The following TGFBR1 variants were observed in gnomAD, a reference collection of about 807,000 sequenced individuals.
TGFBR1 encodes the protein TGF-beta receptor type-1.
A neutral mutation model predicts 55.1 loss-of-function variants in TGFBR1; 20 were observed. The observed-to-expected ratio is 0.36, with a 90% CI of 0.26 to 0.53. The LOEUF (loss-of-function observed/expected upper bound fraction) is 0.53. Ranked by LOEUF, TGFBR1 falls within the 20% of genes least tolerant of loss-of-function variation. The pLI is 0.91. For synonymous variants in TGFBR1, 220 were observed against 214.8 expected (o/e 1.02, Z -0.21); for missense variants, 385 against 617.6 (o/e 0.62, Z 3.99).
At chr9:99,134,830 A>T (rs947472563) in intron 3 of TGFBR1, among the ~76,000 whole-genome samples, 1 of 112,508 alleles carries the variant, frequency 8.9e-6, no homozygotes, top group Non-Finnish European at 1.9e-5. Flanking sequence ...ATATATATAT[A>T]TATATATATA....
intron 1 of TGFBR1, among the ~76,000 whole-genome samples, chr9:99,127,288 T>C (rs963772293): frequency 6.6e-6 from 1 of 152,190 alleles, no homozygotes; most frequent in Non-Finnish European, 1.5e-5. Context: ...GGAAGTTCGC[T>C]TGAGCCTTGG....
At chr9:99,128,400 A>G (rs11568757) in intron 1 of TGFBR1, among the ~76,000 whole-genome samples, 244 of 151,602 alleles carry the variant, frequency 1.6e-3, no homozygotes, top group African/African-American at 5.5e-3. Flanking sequence ...GCATTAGCCT[A>G]CACTTAATGG....
At position 99,153,660 on chromosome 9, in the gene TGFBR1, C is replaced by T. The variant is rs554310366; in HGVS notation, c.*4355C>T. The T allele has an allele frequency of 1.0e-5, 2 of 198,022 alleles. No individual in the cohort carries two copies. Among genetic ancestry groups the T allele is most frequent in the East Asian group, 1.6e-4 (2 of 12,734 alleles). 12.3% of individuals were successfully genotyped at this position (198,022 alleles called of 1,614,324 possible). ...TTACATTTTTCCCAAGTGCCAGTGG[C>T]ATATTTTAAAATAAAGTGTATACGT... On this transcript the variant is annotated 3_prime_UTR_variant, in exon 9 of 9. Coordinates refer to ENST00000374994, the MANE Select transcript of TGFBR1 (RefSeq NM_004612.4).
At chr9:99,117,622 T>C (rs961399215) in intron 1 of TGFBR1, among the ~76,000 whole-genome samples, 2 of 152,176 alleles carry the variant, frequency 1.3e-5, no homozygotes, top group Admixed American at 1.3e-4. Flanking sequence ...TTTCCCCCAG[T>C]GTACAATCAC....
intron 1 of TGFBR1, among the ~76,000 whole-genome samples, chr9:99,108,432 CA>C (rs1219498387): frequency 1.2e-4 from 19 of 152,206 alleles, no homozygotes; most frequent in Admixed American, 4.6e-4. Flanking sequence ...TTTGGTTAAA[CA>C]TCCTTTCTGA....
chr9:99,126,781 C>G (rs1353022281), intron 1 of TGFBR1, among the ~76,000 whole-genome samples: 1 of 152,178 alleles, frequency 6.6e-6, no homozygotes, highest in African/African-American at 2.4e-5. Flanking sequence ...ATTACTGTCT[C>G]TTTTAGCAGT....
chr9:99,105,314 C>T lies in TGFBR1; in HGVS notation c.97+12C>T, dbSNP rs1826375985. Reference sequence around the variant, plus strand: ...CCCGGGGGCGACGGGTGAGCGGCGGCGCGGCGGGCGGGCGACTGCGGGGCG... The same window carrying T: ...CCCGGGGGCGACGGGTGAGCGGCGGTGCGGCGGGCGGGCGACTGCGGGGCG... On this transcript the variant is annotated intron_variant, in intron 1 of 8. Transcript: ENST00000374994. The T allele has an allele frequency of 8.2e-6, 8 of 981,552 alleles. No individual in the cohort carries two copies. Among genetic ancestry groups the T allele is most frequent in the Non-Finnish European group, 9.7e-6 (8 of 828,864 alleles). The allele number at this position is 981,552 out of a possible 1,614,324, so 60.8% of individuals were successfully genotyped here.
intron 1 of TGFBR1, among the ~76,000 whole-genome samples, chr9:99,105,598 G>A (rs1053225868): frequency 9.9e-5 from 15 of 151,708 alleles, no homozygotes; most frequent in Admixed American, 2.0e-4. Context: ...GTCGTCCGAG[G>A]TCCGGGGCTG....
At chr9:99,105,958 G>A (rs912869468) in intron 1 of TGFBR1, among the ~76,000 whole-genome samples, 2 of 152,252 alleles carry the variant, frequency 1.3e-5, no homozygotes, top group African/African-American at 2.4e-5. Flanking sequence ...CAGCCAGGGG[G>A]GCTTTGTGTG....
At chr9:99,127,260 C>A (rs1192866837) in intron 1 of TGFBR1, among the ~76,000 whole-genome samples, 1 of 152,164 alleles carries the variant, frequency 6.6e-6, no homozygotes, top group Admixed American at 6.5e-5. Flanking sequence ...TGACAGCATG[C>A]ACGAAGTTGT....
chr9:99,139,671 G>A (rs1431271699), intron 4 of TGFBR1, among the ~76,000 whole-genome samples: 1 of 152,160 alleles, frequency 6.6e-6, no homozygotes, highest in East Asian at 1.9e-4. Flanking sequence ...CACTACCATT[G>A]TCAGTTTTTT....
At position 99,153,334 on chromosome 9, in the gene TGFBR1, C is replaced by T. The variant is rs1351329063; in HGVS notation, c.*4029C>T. The T allele has an allele frequency of 9.2e-6, 2 of 217,166 alleles. No individual in the cohort carries two copies. 13.5% of individuals were successfully genotyped at this position (217,166 alleles called of 1,614,324 possible). A position where few individuals can be genotyped will look rare whatever the true frequency, so the allele number is the denominator to read the frequency against. On this transcript the variant is annotated 3_prime_UTR_variant, in exon 9 of 9. Transcript: ENST00000374994. Reference sequence around the variant, plus strand: ...TTTATATTTGTACCCCAAATAACATCGTCTGTACTTTCTGTTTTCTGTATT... The same window carrying T: ...TTTATATTTGTACCCCAAATAACATTGTCTGTACTTTCTGTTTTCTGTATT...
In TGFBR1 at chr9:99,150,908, G is replaced by A. The variant is rs201500025; in HGVS notation, c.*1603G>A. On this transcript the variant is annotated 3_prime_UTR_variant, in exon 9 of 9. Transcript: ENST00000374994. ...TCTCTGCAGGGCTTTTACAGTTTTC[G>A]AAGTCCTTTTATCACTGTGATCTTA... The A allele has an allele frequency of 4.5e-5, 10 of 222,686 alleles. No homozygotes were observed. The highest frequency in any genetic ancestry group is 3.7e-4 in the South Asian group (2 of 5,442). The allele number at this position is 222,686 out of a possible 1,614,324, so 13.8% of individuals were successfully genotyped here.
chr9:99,110,632 G>A (rs1826540106), intron 1 of TGFBR1, among the ~76,000 whole-genome samples: 1 of 152,140 alleles, frequency 6.6e-6, no homozygotes, highest in East Asian at 1.9e-4. Flanking sequence ...ATAAAAGAAA[G>A]ACACTGCTTT....
chr9:99,113,518 G>T (rs1488844270), intron 1 of TGFBR1, among the ~76,000 whole-genome samples: 2 of 152,134 alleles, frequency 1.3e-5, no homozygotes, highest in Non-Finnish European at 2.9e-5. Context: ...TTTGTTTATA[G>T]GAGTAGTATA....
At chr9:99,115,932 G>T (rs1292526743) in intron 1 of TGFBR1, among the ~76,000 whole-genome samples, 1 of 152,096 alleles carries the variant, frequency 6.6e-6, no homozygotes, top group African/African-American at 2.4e-5. Context: ...TTGTCAGTGA[G>T]GAAAGACAAT....
chr9:99,104,937 C>T (rs1231651868), upstream of TGFBR1, among the ~76,000 whole-genome samples: 2 of 151,640 alleles, frequency 1.3e-5, no homozygotes, highest in African/African-American at 4.8e-5. Context: ...TGGGGCGTGG[C>T]CAGAAACCGG....
At chr9:99,128,475 T>TAAA (rs66612011) in intron 1 of TGFBR1, among the ~76,000 whole-genome samples, 139 of 104,030 alleles carry the variant, frequency 1.3e-3, no homozygotes, top group African/African-American at 4.6e-3. Context: ...TTGGGCCTGG[T>TAAA]AAAAAAAAAA....
chr9:99,105,127 T>G lies in TGFBR1; in HGVS notation c.-79T>G, dbSNP rs1307562466. On this transcript the variant is annotated 5_prime_UTR_variant, in exon 1 of 9. Coordinates refer to ENST00000374994, the MANE Select transcript of TGFBR1 (RefSeq NM_004612.4). ...GAGGCCGCCGCGGCGGCTAGGGAGG[T>G]GGGGCGAGGCGAGGTTTGCTGGGGT... 3 of 1,021,398 alleles carry G rather than the reference T, an allele frequency of 2.9e-6. No individual in the cohort carries two copies. The highest frequency in any genetic ancestry group is 3.5e-6 in the Non-Finnish European group (3 of 847,436). 63.3% of individuals were successfully genotyped at this position (1,021,398 alleles called of 1,614,324 possible).
Sources: gnomAD v4.1 joint callset for allele counts (sites outside exome capture counted in the v4.1 genomes callset) on GRCh38, gnomAD v4.1.1 for gene constraint, MANE v1.5 for transcripts, NCBI Gene and HGNC (gene_info 2026-07-23, HGNC 2026-07-21) for gene names.